Variants in ZNF311 observed in about 807,000 individuals in gnomAD.
ZNF311 encodes zinc finger protein 311.
Under a neutral mutation model 22.7 loss-of-function variants are expected in ZNF311, and 14 were observed. The ratio of observed to expected loss-of-function variants is 0.62; its 90% CI spans 0.41 to 0.96. The LOEUF (loss-of-function observed/expected upper bound fraction) is 0.96, where lower values mean the gene tolerates loss of function less well. Ranked by LOEUF, ZNF311 falls within the 40% of genes least tolerant of loss-of-function variation. ZNF311 has a pLI of 0.00. For synonymous variants in ZNF311, 250 were observed against 275.3 expected, an observed-to-expected ratio of 0.91 and a Z score of 0.91; for missense variants, 731 against 799.0, an observed-to-expected ratio of 0.91 and a Z score of 1.03.
In ZNF311 at chr6:28,994,912, G is replaced by A. The variant is rs1779243806; in HGVS notation, c.*89C>T. ...TCTTTGGGGAATCTCACAATTAAGGGTCAGGAAATCAGGAATAACTAATAT... is the reference window on the plus strand; with the variant it reads ...TCTTTGGGGAATCTCACAATTAAGGATCAGGAAATCAGGAATAACTAATAT... On this transcript the variant is annotated 3_prime_UTR_variant, in exon 7 of 7. Transcript: ENST00000377179. 1 of 1,382,090 alleles carries A rather than the reference G, an allele frequency of 7.2e-7. No homozygotes were observed. Among genetic ancestry groups the A allele is most frequent in the Non-Finnish European group, 9.5e-7 (1 of 1,047,906 alleles). 85.6% of individuals were successfully genotyped at this position (1,382,090 alleles called of 1,614,324 possible).
chr6:28,998,847 A>G lies in ZNF311; in HGVS notation c.311-9T>C, dbSNP rs1477517662. 1 of 1,603,478 alleles carries G rather than the reference A, an allele frequency of 6.2e-7. No homozygotes were observed. On this transcript the variant is annotated splice_polypyrimidine_tract_variant and intron_variant, in intron 5 of 6. Coordinates refer to ENST00000377179, the MANE Select transcript of ZNF311 (RefSeq NM_001382360.1). ...TTTAGGAAATGGAAATCCTGGTTGC[A>G]GAGAAGAAATAAGTGTGTAGAGTAA...
intron 3 of ZNF311, among the ~76,000 whole-genome samples, chr6:29,002,323 C>T (rs6456881): frequency 0.25 from 37,430 of 151,976 alleles, 5,942 homozygotes; most frequent in African/African-American, 0.45. Context: ...CTCGTGCATC[C>T]GAGTTTAGCA....
chr6:28,998,677 A>G, intron 6 of ZNF311, 57 bp downstream of exon 6: 2 of 1,272,120 alleles, frequency 1.6e-6, no homozygotes, highest in Non-Finnish European at 2.2e-6. Context: ...AGAATGTTCC[A>G]TAACCATTAT....
rs1780826315 is a variant in ZNF311 at position 29,004,035 on chromosome 6, C to CTG, written c.-83_-82dup. 1 of 1,612,764 alleles carries CTG rather than the reference C, an allele frequency of 6.2e-7. No individual in the cohort carries two copies. The highest frequency in any genetic ancestry group is 8.5e-7 in the Non-Finnish European group (1 of 1,179,820). ...TGGTCAGATCCAGTTCTCAAACAAGCTGTGAAGTGGCTCCAGTTGATGCCA... is the reference window on the plus strand; with the variant it reads ...TGGTCAGATCCAGTTCTCAAACAAGCTGTGTGAAGTGGCTCCAGTTGATGCCA... On this transcript the variant is annotated 5_prime_UTR_variant, in exon 2 of 7. The change abolishes the stop of an existing upstream ORF in the 5' untranslated region. Coordinates refer to ENST00000377179, the MANE Select transcript of ZNF311 (RefSeq NM_001382360.1).
intron 1 of ZNF311, 62 bp downstream of exon 1, chr6:29,004,946 A>T (rs958632163): frequency 6.6e-6 from 1 of 151,902 alleles, no homozygotes; most frequent in Non-Finnish European, 1.5e-5. Context: ...AAGGAGGTCT[A>T]CTCTGAGTGC....
chr6:29,002,620 ATTT>A (rs35452431), intron 3 of ZNF311, among the ~76,000 whole-genome samples: 3 of 132,838 alleles, frequency 2.3e-5, no homozygotes, highest in Non-Finnish European at 3.2e-5. Flanking sequence ...TCCAACAGCA[ATTT>A]TTTTTTTTTT....
Position 28,995,764 on chromosome 6 carries a change from C to T in ZNF311, c.1238G>A (p.Arg413Gln), listed in dbSNP as rs779904250. ...TKHIRIHTGE[R>Q]PYECSKCGRA... ...TCCACACTTGCTGCACTCATAAGGT[C>T]GTTCCCCAGTGTGGATTCTTATGTG... The change falls in exon 7 of 7, where the codon CGA (arginine) becomes CAA (glutamine). Residue 413 changes from arginine (R) to glutamine (Q), a missense_variant. By Grantham distance (43) the Arg-to-Gln change is conservative. Transcript: ENST00000377179. This position sits in a 1 kb window ranked among gnomAD's most constrained non-coding sequence, Gnocchi z 4.7. 1.9e-5 allele frequency: 30 copies of T among 1,613,528 alleles called. No individual in the cohort carries two copies. Among genetic ancestry groups the T allele is most frequent in the Non-Finnish European group, 2.4e-5 (28 of 1,179,940 alleles).
chr6:29,000,152 CT>C, intron 3 of ZNF311, 105 bp from the exon 4 acceptor site: 1 of 1,087,416 alleles, frequency 9.2e-7, no homozygotes, highest in Admixed American at 2.1e-5. Context: ...CAGCTCTAAC[CT>C]AGGGCTTTAG....
At chr6:28,999,444 A>T (rs1562334831) in intron 5 of ZNF311, 43 bp downstream of exon 5, 2 of 1,522,542 alleles carry the variant, frequency 1.3e-6, no homozygotes, top group Non-Finnish European at 1.8e-6. Flanking sequence ...TTAAATAATA[A>T]AAAAAGAAGG....
rs772862997 is a variant in ZNF311, at chr6:28,995,428, T to G, written c.1574A>C (p.Lys525Thr). 3.7e-6 allele frequency: 6 copies of G among 1,614,192 alleles called. No homozygotes were observed. The highest frequency in any genetic ancestry group is 4.2e-6 in the Non-Finnish European group (5 of 1,180,040). ...TIHQRIHTGE[K>T]PYKCLECGKA... is the part of the protein sequence containing the mutation. ...CCCACACTCTAAACATTTGTAAGGTTTCTCTCCAGTGTGGATTCTCTGATG... is the reference window on the plus strand; with the variant it reads ...CCCACACTCTAAACATTTGTAAGGTGTCTCTCCAGTGTGGATTCTCTGATG... The change falls in exon 7 of 7, where the codon AAA becomes ACA. Residue 525 changes from lysine to threonine, a missense_variant. Transcript: ENST00000377179. This position sits in a 1 kb window ranked among gnomAD's most constrained non-coding sequence, Gnocchi z 4.7.
intron 2 of ZNF311, 65 bp downstream of exon 2, chr6:29,003,881 T>C (rs982867067): frequency 1.4e-5 from 23 of 1,612,706 alleles, no homozygotes; most frequent in Non-Finnish European, 1.9e-5. Flanking sequence ...ACTGCTTTCC[T>C]TCTTTCTTGG....
Position 28,999,501 on chromosome 6 carries a change from T to C in ZNF311, c.296A>G (p.Asn99Ser), listed in dbSNP as rs1441689709. The C allele has an allele frequency of 1.2e-6, 2 of 1,611,230 alleles. No homozygotes were observed. The highest frequency in any genetic ancestry group is 1.7e-5 in the Admixed American group (1 of 59,804). The change falls in exon 5 of 7, where the codon AAC becomes AGC. Residue 99 changes from asparagine to serine, a missense_variant. Physicochemically the swap from Asn to Ser is conservative, Grantham distance 46. Transcript: ENST00000377179. Reference sequence around the variant, plus strand: ...AAGGTCCTTACCAAGTGATACCATGTTCCCATAATTTTCCAACATCACATC... The same window carrying C: ...AAGGTCCTTACCAAGTGATACCATGCTCCCATAATTTTCCAACATCACATC... Reference protein sequence around the residue: ...YKDVMLENYGNMVSLGFPFPK... With the variant: ...YKDVMLENYGSMVSLGFPFPK...
At chr6:29,000,778 CTT>C (rs56047302) in intron 3 of ZNF311, among the ~76,000 whole-genome samples, 2 of 144,934 alleles carry the variant, frequency 1.4e-5, no homozygotes, top group Non-Finnish European at 1.5e-5. Context: ...GAAGTAGTTT[CTT>C]TTTTTTTTTT....
chr6:28,999,681 A>G, intron 4 of ZNF311, 68 bp from the exon 5 acceptor site: 2 of 1,556,980 alleles, frequency 1.3e-6, no homozygotes. Context: ...GAGGCAGAAG[A>G]AAGGAATTTG....
chr6:28,996,733 T>C, intron 6 of ZNF311, 147 bp from the exon 7 acceptor site: 1 of 841,438 alleles, frequency 1.2e-6, no homozygotes, highest in Non-Finnish European at 1.8e-6. Context: ...CAGGCTGAAA[T>C]AATGAAAAGT....
In ZNF311 at chr6:28,999,979, T is replaced by C. The variant is rs1430546028; in HGVS notation, c.160A>G (p.Ile54Val). 2 of 1,613,670 alleles carry C rather than the reference T, an allele frequency of 1.2e-6. No homozygotes were observed. Among genetic ancestry groups the C allele is most frequent in the East Asian group, 2.2e-5 (1 of 44,878 alleles). ...ACTTGGGCCTGGCTCATTAGTGTGA[T>C]ATCTGCTTGCGGCAGGTTTCCTTGG... is the stretch of plus-strand genomic sequence containing the variant. ...GSQGNLPQAD[I>V]TLMSQAQESV... The change falls in exon 4 of 7, where the codon ATC (isoleucine) becomes GTC (valine). Residue 54 changes from isoleucine (I) to valine (V), a missense_variant. By Grantham distance (29) the Ile-to-Val change is conservative (BLOSUM62 3). Coordinates refer to ENST00000377179, the MANE Select transcript of ZNF311 (RefSeq NM_001382360.1).
In ZNF311 at chr6:28,995,526, C is replaced by T. The variant is rs749431409; in HGVS notation, c.1476G>A (p.Glu492=). The change falls in exon 7 of 7, where the codon GAG becomes GAA. Residue 492 remains glutamate, a synonymous_variant. Coordinates refer to ENST00000377179, the MANE Select transcript of ZNF311 (RefSeq NM_001382360.1). This position sits in a 1 kb window ranked among gnomAD's most constrained non-coding sequence, Gnocchi z 4.7. ...HNCKRRAHER[E]HTGEKPYQCR... is the part of the protein sequence containing the mutation. ...ATTGATAGGGCTTCTCCCCTGTATG[C>T]TCTCGTTCATGAGCCCTGCGCTTAC... 2.5e-6 allele frequency: 4 copies of T among 1,613,548 alleles called. No individual in the cohort carries two copies. The highest frequency in any genetic ancestry group is 3.4e-6 in the Non-Finnish European group (4 of 1,179,930).
intron 6 of ZNF311, among the ~76,000 whole-genome samples, chr6:28,998,170 A>ATTT (rs11376899): frequency 2.8e-5 from 4 of 140,412 alleles, no homozygotes; most frequent in Non-Finnish European, 3.1e-5. Flanking sequence ...ATATTCTGAG[A>ATTT]TTTTTTTTTT....
chr6:28,996,676 C>T, intron 6 of ZNF311, 90 bp from the exon 7 acceptor site: 1 of 1,404,038 alleles, frequency 7.1e-7, no homozygotes, highest in Non-Finnish European at 9.5e-7. Context: ...GAGTAAATAA[C>T]TTTTCCATGC....
Sources: gnomAD v4.1 joint callset for allele counts (sites outside exome capture counted in the v4.1 genomes callset) on GRCh38, gnomAD v4.1.1 for gene constraint, Gnocchi (gnomAD v3.1) non-coding constraint, MANE v1.5 for transcripts, NCBI Gene and HGNC (gene_info 2026-07-23, HGNC 2026-07-21) for gene names.